HEATR5B: variants seen among roughly 807,000 people sequenced by gnomAD.
HEATR5B encodes the protein HEAT repeat containing 5B.
A neutral mutation model predicts 224.1 loss-of-function variants in HEATR5B; 156 were observed. The observed-to-expected ratio is 0.70, with a 90% CI of 0.61 to 0.80. The LOEUF (loss-of-function observed/expected upper bound fraction) is 0.80. HEATR5B is among the 30% of genes least tolerant of loss of function. The pLI is 0.00. For synonymous variants in HEATR5B, 1,027 were observed against 893.0 expected, an observed-to-expected ratio of 1.15 and a Z score of -2.68; for missense variants, 2,323 against 2,535.5, an observed-to-expected ratio of 0.92 and a Z score of 1.80.
intron 16 of HEATR5B, among the ~76,000 whole-genome samples, chr2:37,054,190 CTG>C (rs757477063): frequency 0.06 from 5,575 of 93,628 alleles, 268 homozygotes; most frequent in African/African-American, 0.078. Context: ...GATGATTTCT[CTG>C]TTTTTTTTTT....
intron 33 of HEATR5B, among the ~76,000 whole-genome samples, chr2:36,994,143 T>A (rs954933953): frequency 6.6e-6 from 1 of 152,136 alleles, no homozygotes; most frequent in African/African-American, 2.4e-5. Context: ...AAATTAATAA[T>A]AATATTAACA....
chr2:36,997,719 ACC>A, intron 33 of HEATR5B, among the ~76,000 whole-genome samples: 1 of 152,040 alleles, frequency 6.6e-6, no homozygotes, highest in Non-Finnish European at 1.5e-5. Context: ...GGCGCCCGCC[ACC>A]ACGCCCAGCT....
intron 18 of HEATR5B, among the ~76,000 whole-genome samples, chr2:37,048,492 C>T (rs1670341109): frequency 6.6e-6 from 1 of 151,004 alleles, no homozygotes; most frequent in Non-Finnish European, 1.5e-5. Flanking sequence ...GCCAAGGACA[C>T]ATAAACTAAA....
intron 16 of HEATR5B, chr2:37,055,120 G>A (rs545620624): frequency 3.0e-5 from 12 of 398,076 alleles, no homozygotes; most frequent in East Asian, 8.8e-5. Context: ...ATATTAAGCC[G>A]CACAGCCTGC....
chr2:37,020,185 G>A (rs1045539941), intron 25 of HEATR5B, among the ~76,000 whole-genome samples: 4 of 152,242 alleles, frequency 2.6e-5, no homozygotes, highest in African/African-American at 9.6e-5. Flanking sequence ...GATTACAGGC[G>A]TGAACCACCA....
chr2:37,019,375 T>C (rs1266292750), intron 26 of HEATR5B, among the ~76,000 whole-genome samples: 1 of 152,154 alleles, frequency 6.6e-6, no homozygotes, highest in Non-Finnish European at 1.5e-5. Context: ...CTAATTATTA[T>C]TTCATCATTT....
intron 31 of HEATR5B, 51 bp downstream of exon 31, chr2:37,003,491 T>A (rs1276821549): frequency 7.7e-7 from 1 of 1,296,650 alleles, no homozygotes; most frequent in East Asian, 2.4e-5. Flanking sequence ...TTTTAAAAAT[T>A]AGAGTATAAA....
chr2:37,081,409 A>T (rs1672561816), intron 2 of HEATR5B, among the ~76,000 whole-genome samples: 1 of 152,224 alleles, frequency 6.6e-6, no homozygotes, highest in Non-Finnish European at 1.5e-5. Flanking sequence ...CAACAACAGG[A>T]ACAATAACAA....
intron 28 of HEATR5B, 109 bp from the exon 29 acceptor site, chr2:37,007,413 G>C: frequency 8.4e-7 from 1 of 1,186,852 alleles, no homozygotes; most frequent in South Asian, 1.6e-5. Context: ...GTGCGATCTT[G>C]GCTCACTGCA....
intron 27 of HEATR5B, among the ~76,000 whole-genome samples, chr2:37,011,859 T>G (rs1445447516): frequency 1.3e-5 from 2 of 152,202 alleles, no homozygotes; most frequent in Non-Finnish European, 2.9e-5. Context: ...TTTTCCATAT[T>G]TTGGATATTT....
intron 21 of HEATR5B, among the ~76,000 whole-genome samples, chr2:37,037,295 G>A (rs534793653): frequency 4.2e-4 from 64 of 151,284 alleles, no homozygotes; most frequent in Admixed American, 2.0e-3. Context: ...ACAGGTGCAC[G>A]CCACCACGCC....
chr2:37,012,550 C>T (rs972988282), intron 27 of HEATR5B, among the ~76,000 whole-genome samples: 1 of 152,104 alleles, frequency 6.6e-6, no homozygotes, highest in African/African-American at 2.4e-5. Flanking sequence ...ACCACCATGC[C>T]AGGGTAATTT....
intron 35 of HEATR5B, among the ~76,000 whole-genome samples, chr2:36,987,146 C>T (rs1043353620): frequency 3.3e-5 from 5 of 152,120 alleles, no homozygotes; most frequent in Admixed American, 2.0e-4. Context: ...ATGCTCATCT[C>T]GGCCAGGTGC....
intron 7 of HEATR5B, among the ~76,000 whole-genome samples, chr2:37,069,401 T>C (rs761210771): frequency 8.5e-5 from 13 of 152,240 alleles, no homozygotes; most frequent in Non-Finnish European, 1.6e-4. Flanking sequence ...ATGATCACCA[T>C]TTCATCTTAT....
chr2:37,019,395 T>C (rs1472106054), intron 26 of HEATR5B, among the ~76,000 whole-genome samples: 1 of 151,934 alleles, frequency 6.6e-6, no homozygotes, highest in Non-Finnish European at 1.5e-5. Flanking sequence ...TCACAAAGAA[T>C]AAAAAGGAAA....
intron 28 of HEATR5B, 107 bp downstream of exon 28, chr2:37,008,503 AT>A: frequency 1.3e-6 from 1 of 779,364 alleles, no homozygotes; most frequent in Non-Finnish European, 2.2e-6. Context: ...AGCCACAGAA[AT>A]TTAAACTGTT....
intron 35 of HEATR5B, among the ~76,000 whole-genome samples, chr2:36,986,340 G>A (rs867161916): frequency 6.6e-6 from 1 of 152,134 alleles, no homozygotes; most frequent in African/African-American, 2.4e-5. Flanking sequence ...ATGCAACATA[G>A]TAATACTTGC....
At chr2:36,985,448 C>CT (rs1259297659) in intron 35 of HEATR5B, among the ~76,000 whole-genome samples, 2 of 138,640 alleles carry the variant, frequency 1.4e-5, no homozygotes, top group Non-Finnish European at 1.5e-5. Context: ...CACGATGGTG[C>CT]TTTTTTTTGG....
chr2:37,032,508 A>C, intron 22 of HEATR5B, 121 bp downstream of exon 22: 1 of 851,758 alleles, frequency 1.2e-6, no homozygotes, highest in Non-Finnish European at 1.8e-6. Flanking sequence ...TAATGGTTTT[A>C]TTTCAAAGAA....
Sources: gnomAD v4.1 joint callset for allele counts (sites outside exome capture counted in the v4.1 genomes callset) on GRCh38, gnomAD v4.1.1 for gene constraint, MANE v1.5 for transcripts, NCBI Gene and HGNC (gene_info 2026-07-23, HGNC 2026-07-21) for gene names.